The following QKI variants were observed in gnomAD, a reference collection of about 807,000 sequenced individuals.
QKI encodes KH domain-containing RNA-binding protein QKI.
A neutral mutation model predicts 39.0 loss-of-function variants in QKI; 10 were observed. The ratio of observed to expected loss-of-function variants is 0.26; its 90% confidence interval spans 0.16 to 0.43. The LOEUF (loss-of-function observed/expected upper bound fraction) is 0.43, where lower values mean the gene tolerates loss of function less well. Among genes scored for constraint, QKI ranks in the 20% least tolerant of loss-of-function variants. The probability of loss-of-function intolerance (pLI) is 1.00; values close to 1 mark genes in which losing one functional copy is unlikely to be tolerated. For synonymous variants in QKI, 204 were observed against 155.4 expected, an observed-to-expected ratio of 1.31 and a Z score of -2.33; for missense variants, 218 against 428.0, an observed-to-expected ratio of 0.51 and a Z score of 4.33.
chr6:163,558,716 C>G (rs989619471), intron 4 of QKI, among the ~76,000 whole-genome samples: 14 of 152,098 alleles, frequency 9.2e-5, no homozygotes, highest in African/African-American at 2.9e-4. Context: ...CCTGTTGTCT[C>G]TTAAGACACA....
intron 1 of QKI, 132 bp downstream of exon 1, chr6:163,415,467 G>C (rs1787370102): frequency 1.1e-6 from 1 of 872,968 alleles, no homozygotes; most frequent in East Asian, 3.8e-5. Flanking sequence ...GGGAGGCCAG[G>C]AGGGCGCACA....
intron 4 of QKI, among the ~76,000 whole-genome samples, chr6:163,553,836 A>AG (rs1782416544): frequency 6.6e-6 from 1 of 152,110 alleles, no homozygotes; most frequent in South Asian, 2.1e-4. Flanking sequence ...GTTTTAATGG[A>AG]GGAGGAGCAT....
intron 1 of QKI, among the ~76,000 whole-genome samples, chr6:163,430,277 A>T (rs1390739778): frequency 6.6e-6 from 1 of 152,094 alleles, no homozygotes; most frequent in Non-Finnish European, 1.5e-5. Context: ...TGATATATTA[A>T]TGTGGTAGAT....
intron 4 of QKI, among the ~76,000 whole-genome samples, chr6:163,535,442 C>A (rs1781135204): frequency 6.6e-6 from 1 of 151,956 alleles, no homozygotes; most frequent in South Asian, 2.1e-4. Context: ...TTCCCTCTGC[C>A]CCCCTTCCTT....
intron 1 of QKI, among the ~76,000 whole-genome samples, chr6:163,420,158 T>C (rs1389736231): frequency 1.4e-5 from 2 of 142,340 alleles, no homozygotes; most frequent in South Asian, 2.1e-4. Context: ...TCTTTTCTTT[T>C]TTTTTTTTTT....
intron 3 of QKI, among the ~76,000 whole-genome samples, chr6:163,532,283 CACAT>C: frequency 6.6e-6 from 1 of 152,300 alleles, no homozygotes; most frequent in South Asian, 2.1e-4. Context: ...TTGACACACA[CACAT>C]AGAGCTTTTA....
intron 3 of QKI, among the ~76,000 whole-genome samples, chr6:163,496,336 T>C (rs1256840476): frequency 2.0e-5 from 3 of 152,176 alleles, no homozygotes; most frequent in Admixed American, 6.5e-5. Context: ...CATCTAGTCC[T>C]CTGAAAGCCC....
intron 1 of QKI, among the ~76,000 whole-genome samples, chr6:163,424,369 G>T (rs910651049): frequency 2.0e-5 from 3 of 152,192 alleles, no homozygotes; most frequent in African/African-American, 7.2e-5. Context: ...AAGATGAAAT[G>T]AATTTATGTT....
chr6:163,497,562 A>G (rs1778488571), intron 3 of QKI, among the ~76,000 whole-genome samples: 1 of 151,658 alleles, frequency 6.6e-6, no homozygotes, highest in African/African-American at 2.4e-5. Flanking sequence ...TACTCAGGCA[A>G]TTAGTTCTAT....
At chr6:163,541,924 A>G (rs1488573422) in intron 4 of QKI, among the ~76,000 whole-genome samples, 4 of 151,928 alleles carry the variant, frequency 2.6e-5, no homozygotes, top group Non-Finnish European at 5.9e-5. Flanking sequence ...AGGCGCATAC[A>G]TGTTCCTCCT....
intron 3 of QKI, among the ~76,000 whole-genome samples, chr6:163,517,706 T>A (rs1009840003): frequency 6.6e-6 from 1 of 152,152 alleles, no homozygotes; most frequent in Non-Finnish European, 1.5e-5. Context: ...ACTGGAAACA[T>A]ACAAGAAATG....
At chr6:163,418,755 A>C (rs1295296973) in intron 1 of QKI, among the ~76,000 whole-genome samples, 1 of 152,188 alleles carries the variant, frequency 6.6e-6, no homozygotes, top group Non-Finnish European at 1.5e-5. Flanking sequence ...TTTTAAAAAA[A>C]CAGACTTTTC....
chr6:163,420,260 C>G (rs1187680581), intron 1 of QKI, among the ~76,000 whole-genome samples: 1 of 141,568 alleles, frequency 7.1e-6, no homozygotes, highest in Non-Finnish European at 1.5e-5. Context: ...ATAGGAGCAA[C>G]TTTTTATAAA....
chr6:163,552,206 CTTTTTTTTTTT>C (rs35060699), intron 4 of QKI, among the ~76,000 whole-genome samples: 8 of 101,770 alleles, frequency 7.9e-5, no homozygotes, highest in Admixed American at 1.3e-4. Flanking sequence ...TTCGTTCGTT[CTTTTTTTTTTT>C]TTTTTTTTTT....
At chr6:163,540,526 T>G (rs1411923547) in intron 4 of QKI, among the ~76,000 whole-genome samples, 2 of 152,182 alleles carry the variant, frequency 1.3e-5, no homozygotes, top group African/African-American at 2.4e-5. Flanking sequence ...CTTCTTTGTT[T>G]TTTACCAACA....
chr6:163,511,047 G>A (rs1487465421), intron 3 of QKI, among the ~76,000 whole-genome samples: 2 of 152,092 alleles, frequency 1.3e-5, no homozygotes, highest in African/African-American at 4.8e-5. Context: ...GGGCCATAAG[G>A]TACAAAGGAT....
At chr6:163,525,304 CCT>C (rs1491328134) in intron 3 of QKI, among the ~76,000 whole-genome samples, 14 of 149,802 alleles carry the variant, frequency 9.3e-5, no homozygotes, top group Admixed American at 3.3e-4. Context: ...CTCTCTCTCC[CCT>C]CTCTCCTCTT....
intron 2 of QKI, among the ~76,000 whole-genome samples, chr6:163,456,365 T>C (rs1038479537): frequency 3.3e-5 from 5 of 152,198 alleles, no homozygotes; most frequent in African/African-American, 1.2e-4. Context: ...GTCTTTGTTA[T>C]TCACTGCTGT....
chr6:163,571,800 A>G lies in QKI; in HGVS notation c.*1090A>G, dbSNP rs1414796821. 1.3e-5 allele frequency: 2 copies of G among 152,156 alleles called. No individual in the cohort carries two copies. The highest frequency in any genetic ancestry group is 2.9e-5 in the Non-Finnish European group (2 of 68,026). The allele number at this position is 152,156 out of a possible 1,614,324, so 9.4% of individuals were successfully genotyped here. A position where few individuals can be genotyped will look rare whatever the true frequency, so the allele number is the denominator to read the frequency against. Reference sequence around the variant, plus strand: ...GTGGTTGTCAAGAAACAAAAGACCAAAAGAGCCTTTTTGTCTTTCTTTTTT... The same window carrying G: ...GTGGTTGTCAAGAAACAAAAGACCAGAAGAGCCTTTTTGTCTTTCTTTTTT... On this transcript the variant is annotated 3_prime_UTR_variant, in exon 8 of 8. Transcript: ENST00000361752.
Sources: gnomAD v4.1 joint callset for allele counts (sites outside exome capture counted in the v4.1 genomes callset) on GRCh38, gnomAD v4.1.1 for gene constraint, MANE v1.5 for transcripts, NCBI Gene and HGNC (gene_info 2026-07-23, HGNC 2026-07-21) for gene names.